LIMS1: variants seen among roughly 807,000 people sequenced by gnomAD.
LIMS1 encodes LIM zinc finger domain containing 1, also known as LIM and senescent cell antigen-like-containing domain protein 1.
LIMS1 carries 18 observed loss-of-function variants against 44.1 expected under a neutral mutation model. The observed-to-expected ratio is 0.41, with a 90% confidence interval of 0.28 to 0.61. LIMS1 has a LOEUF of 0.61. Ranked by LOEUF, LIMS1 falls within the 20% of genes least tolerant of loss-of-function variation. The pLI is 0.32. For synonymous variants in LIMS1, 93 were observed against 149.1 expected (o/e 0.62, Z 2.74); for missense variants, 201 against 422.0 (o/e 0.48, Z 4.59).
At chr2:108,628,914 G>C (rs77730242) in intron 1 of LIMS1, among the ~76,000 whole-genome samples, 2 of 152,208 alleles carry the variant, frequency 1.3e-5, no homozygotes, top group Non-Finnish European at 2.9e-5. Context: ...TCAGCCTTCC[G>C]AGTAGCTGAG....
chr2:108,625,237 T>G (rs569996809), intron 1 of LIMS1, among the ~76,000 whole-genome samples: 1 of 152,204 alleles, frequency 6.6e-6, no homozygotes, highest in African/African-American at 2.4e-5. Flanking sequence ...ATGTGAAATA[T>G]ATGAAATTCA....
chr2:108,590,305 A>G (rs1686315888), intron 1 of LIMS1, among the ~76,000 whole-genome samples: 1 of 152,254 alleles, frequency 6.6e-6, no homozygotes, highest in African/African-American at 2.4e-5. Context: ...AATAGTTATA[A>G]TGAACAGGAG....
At chr2:108,607,169 A>C in intron 1 of LIMS1, 1 of 1,545,924 alleles carries the variant, frequency 6.5e-7, no homozygotes, top group East Asian at 2.4e-5. Flanking sequence ...GTGAGGACAC[A>C]GTGAGAGGGT....
chr2:108,584,232 A>C (rs1686006176), intron 1 of LIMS1, among the ~76,000 whole-genome samples: 1 of 152,162 alleles, frequency 6.6e-6, no homozygotes, highest in Non-Finnish European at 1.5e-5. Context: ...TGCACTGTGT[A>C]ACACTTTGTC....
At chr2:108,684,048 A>T in exon 10 of LIMS1, 1 of 959,354 alleles carries the variant, frequency 1.0e-6, no homozygotes, top group Non-Finnish European at 1.6e-6. Flanking sequence ...TACCAACATT[A>T]CTTGTCTTGA....
At chr2:108,619,912 G>A (rs866697062) in intron 1 of LIMS1, among the ~76,000 whole-genome samples, 5 of 152,034 alleles carry the variant, frequency 3.3e-5, no homozygotes, top group Admixed American at 6.6e-5. Context: ...CAGTATTACC[G>A]GTTTTTTGTA....
chr2:108,591,553 G>A (rs1686393759), intron 1 of LIMS1, among the ~76,000 whole-genome samples: 1 of 151,978 alleles, frequency 6.6e-6, no homozygotes, highest in South Asian at 2.1e-4. Flanking sequence ...TTGACCTCCT[G>A]GGCTCAAGAA....
At chr2:108,585,158 A>AG in intron 1 of LIMS1, among the ~76,000 whole-genome samples, 1 of 151,410 alleles carries the variant, frequency 6.6e-6, no homozygotes, top group East Asian at 1.9e-4. Context: ...CTCAAAAAAA[A>AG]AAAAAAAAAA....
intron 1 of LIMS1, among the ~76,000 whole-genome samples, chr2:108,562,312 A>G (rs1685152179): frequency 6.6e-6 from 1 of 152,248 alleles, no homozygotes; most frequent in Non-Finnish European, 1.5e-5. Flanking sequence ...TTAAATCAAA[A>G]GCGAGAAACA....
chr2:108,537,671 G>A (rs765908394), intron 1 of LIMS1, among the ~76,000 whole-genome samples: 4 of 152,162 alleles, frequency 2.6e-5, no homozygotes, highest in Non-Finnish European at 5.9e-5. Flanking sequence ...TGGTGGTTCC[G>A]GTTTTTGCAG....
At chr2:108,607,114 C>A in intron 1 of LIMS1, 1 of 944,980 alleles carries the variant, frequency 1.1e-6, no homozygotes, top group Non-Finnish European at 1.6e-6. Flanking sequence ...AGATTACTGC[C>A]CTTATAAAAT....
At chr2:108,570,323 G>A (rs574481334) in intron 1 of LIMS1, among the ~76,000 whole-genome samples, 14 of 152,176 alleles carry the variant, frequency 9.2e-5, no homozygotes, top group African/African-American at 2.6e-4. Context: ...CCAGCTACTC[G>A]GGTGGCTGAA....
chr2:108,627,389 A>T (rs1399273408), intron 1 of LIMS1, among the ~76,000 whole-genome samples: 3 of 139,706 alleles, frequency 2.1e-5, no homozygotes, highest in African/African-American at 7.9e-5. Context: ...TTGAATAATG[A>T]TCCCTTTCTG....
At chr2:108,648,661 G>C (rs577810621) in intron 1 of LIMS1, among the ~76,000 whole-genome samples, 186 of 152,214 alleles carry the variant, frequency 1.2e-3, no homozygotes, top group African/African-American at 4.4e-3. Flanking sequence ...CAGAACAGAA[G>C]CCTCAGAAAT....
chr2:108,637,357 C>T (rs1689350583), intron 1 of LIMS1, among the ~76,000 whole-genome samples: 1 of 152,012 alleles, frequency 6.6e-6, no homozygotes, highest in South Asian at 2.1e-4. Flanking sequence ...TTTTCTTTTA[C>T]CTTATCATTG....
chr2:108,588,611 A>C, intron 1 of LIMS1: 1 of 985,292 alleles, frequency 1.0e-6, no homozygotes, highest in Non-Finnish European at 1.2e-6. Flanking sequence ...ATGATTGCCT[A>C]AATCAGCCAA....
intron 1 of LIMS1, among the ~76,000 whole-genome samples, chr2:108,648,913 A>G (rs1214560813): frequency 6.6e-6 from 1 of 152,260 alleles, no homozygotes; most frequent in African/African-American, 2.4e-5. Context: ...CATTCAGGAC[A>G]TAGGCATGGG....
chr2:108,639,062 C>CT (rs1689483935), intron 1 of LIMS1, among the ~76,000 whole-genome samples: 1 of 151,998 alleles, frequency 6.6e-6, no homozygotes. Context: ...AAAATGTCTA[C>CT]TTAAGGGCCT....
chr2:108,684,141 A>C, exon 10 of LIMS1: 1 of 468,430 alleles, frequency 2.1e-6, no homozygotes, highest in Non-Finnish European at 3.8e-6. Context: ...TTTTTAATTA[A>C]AAAAGAAAAA....
Sources: allele counts gnomAD v4.1 joint callset (sites outside exome capture counted in the v4.1 genomes callset), GRCh38; gene constraint gnomAD v4.1.1; transcripts MANE v1.5; gene names NCBI Gene and HGNC (gene_info 2026-07-23, HGNC 2026-07-21).